Variants in C12orf42 observed in about 807,000 individuals in gnomAD.
C12orf42 encodes uncharacterized protein C12orf42.
In C12orf42, 25 loss-of-function variants were observed where a neutral mutation model predicts 21.6. The observed-to-expected ratio is 1.16, with a 90% CI of 0.84 to 1.62. C12orf42 has a LOEUF of 1.62. Ranked by LOEUF, C12orf42 falls within the 40% of genes most tolerant of loss-of-function variation. The pLI, the probability that C12orf42 is intolerant of heterozygous loss-of-function variation, is 0.00. For missense variants in C12orf42, 483 were observed against 459.3 expected (o/e 1.05, Z -0.47); for synonymous variants, 174 against 175.0 (o/e 0.99, Z 0.05).
chr12:103,124,387 A>T, the C12orf42 span, among the ~76,000 whole-genome samples: 12 of 152,136 alleles, frequency 7.9e-5, no homozygotes, highest in African/African-American at 2.7e-4. Flanking sequence ...CTCTGCTCAC[A>T]ATAGGGCCAT....
chr12:103,176,977 TCTC>T, the C12orf42 span, among the ~76,000 whole-genome samples: 1 of 152,080 alleles, frequency 6.6e-6, no homozygotes, highest in Non-Finnish European at 1.5e-5. Context: ...AAAAAAAAAT[TCTC>T]CTCAAACTTT....
chr12:103,261,453 G>A (rs1176073080), intron 10 of C12orf42, among the ~76,000 whole-genome samples: 1 of 145,648 alleles, frequency 6.9e-6, no homozygotes, highest in Non-Finnish European at 1.5e-5. Context: ...CTGCACACCA[G>A]CTGGGTGACA....
chr12:103,513,460 C>A, the C12orf42 span, among the ~76,000 whole-genome samples: 3 of 152,160 alleles, frequency 2.0e-5, no homozygotes, highest in African/African-American at 7.2e-5. Context: ...CAAATACTCC[C>A]CTCTTTGCTT....
chr12:103,411,167 T>A (rs1429493243), intron 2 of C12orf42, among the ~76,000 whole-genome samples: 3 of 152,192 alleles, frequency 2.0e-5, no homozygotes, highest in Non-Finnish European at 4.4e-5. Context: ...GCCAGCCTTA[T>A]CATCATATCA....
chr12:103,496,723 C>G (rs1429673553), upstream of C12orf42, among the ~76,000 whole-genome samples: 1 of 151,616 alleles, frequency 6.6e-6, no homozygotes, highest in Non-Finnish European at 1.5e-5. Flanking sequence ...AATCACAGGA[C>G]CAAAAGAAAG....
intron 2 of C12orf42, among the ~76,000 whole-genome samples, chr12:103,414,090 T>G (rs1278652154): frequency 6.6e-6 from 1 of 152,206 alleles, no homozygotes; most frequent in African/African-American, 2.4e-5. Context: ...ACAGTGGCTG[T>G]ACATTCCCAC....
At chr12:103,555,678 T>C in the C12orf42 span, among the ~76,000 whole-genome samples, 3 of 151,996 alleles carry the variant, frequency 2.0e-5, no homozygotes, top group African/African-American at 7.3e-5. Flanking sequence ...ACCTACCAAA[T>C]CAGAATTTTG....
chr12:103,065,897 T>A, the C12orf42 span, among the ~76,000 whole-genome samples: 1 of 152,174 alleles, frequency 6.6e-6, no homozygotes, highest in Non-Finnish European at 1.5e-5. Context: ...CAGTTTTGAG[T>A]GGGGTCCAGA....
chr12:103,541,962 TCCA>T, the C12orf42 span, among the ~76,000 whole-genome samples: 1 of 152,096 alleles, frequency 6.6e-6, no homozygotes, highest in South Asian at 2.1e-4. Context: ...CATGGCCCAT[TCCA>T]CCACAGCTAC....
the C12orf42 span, among the ~76,000 whole-genome samples, chr12:103,548,174 C>A: frequency 6.6e-6 from 1 of 152,202 alleles, no homozygotes; most frequent in Non-Finnish European, 1.5e-5. Flanking sequence ...AGCTCCCCAA[C>A]GTGGAGGTGC....
chr12:103,284,667 T>C (rs561582382), intron 4 of C12orf42, among the ~76,000 whole-genome samples: 1 of 152,288 alleles, frequency 6.6e-6, no homozygotes, highest in East Asian at 1.9e-4. Flanking sequence ...TGGTAGGCCT[T>C]TGTTACATAT....
chr12:103,405,682 A>G (rs1593852517), intron 2 of C12orf42, among the ~76,000 whole-genome samples: 1 of 152,208 alleles, frequency 6.6e-6, no homozygotes, highest in East Asian at 1.9e-4. Flanking sequence ...TTGGGTGTCA[A>G]CTATGCTGAA....
chr12:103,513,941 G>C, the C12orf42 span, among the ~76,000 whole-genome samples: 1 of 152,108 alleles, frequency 6.6e-6, no homozygotes, highest in Non-Finnish European at 1.5e-5. Context: ...GAGAAAGGAT[G>C]GTGTATTAAT....
At chr12:103,231,724 T>G in the C12orf42 span, among the ~76,000 whole-genome samples, 1 of 152,220 alleles carries the variant, frequency 6.6e-6, no homozygotes, top group African/African-American at 2.4e-5. Context: ...GAAAAATAAC[T>G]TGGATTCTTC....
At chr12:103,090,663 T>C in the C12orf42 span, among the ~76,000 whole-genome samples, 18 of 152,170 alleles carry the variant, frequency 1.2e-4, no homozygotes. Context: ...GAATATTCTC[T>C]TTGGAGATAG....
intron 2 of C12orf42, among the ~76,000 whole-genome samples, chr12:103,431,015 T>C (rs1228679733): frequency 6.6e-6 from 1 of 152,078 alleles, no homozygotes; most frequent in African/African-American, 2.4e-5. Flanking sequence ...CTAATGTAGA[T>C]GACGAGTTGA....
At chr12:103,275,227 T>C (rs1293546358) in intron 5 of C12orf42, among the ~76,000 whole-genome samples, 1 of 151,776 alleles carries the variant, frequency 6.6e-6, no homozygotes, top group Non-Finnish European at 1.5e-5. Flanking sequence ...GCTGAAAAAA[T>C]CTTACAAAAA....
the C12orf42 span, among the ~76,000 whole-genome samples, chr12:103,543,852 T>TTTG: frequency 6.6e-5 from 10 of 151,776 alleles, no homozygotes; most frequent in Non-Finnish European, 1.2e-4. Flanking sequence ...TTTAGAATTT[T>TTTG]TTGTTGTTGT....
intron 4 of C12orf42, among the ~76,000 whole-genome samples, chr12:103,329,951 T>C (rs1490700445): frequency 6.6e-6 from 1 of 152,054 alleles, no homozygotes; most frequent in Non-Finnish European, 1.5e-5. Flanking sequence ...ACAGATAATT[T>C]AGTATTCTAT....
Sources: gnomAD v4.1 joint callset for allele counts (sites outside exome capture counted in the v4.1 genomes callset) on GRCh38, gnomAD v4.1.1 for gene constraint, MANE v1.5 for transcripts, NCBI Gene and HGNC (gene_info 2026-07-23, HGNC 2026-07-21) for gene names.